Variants in NLGN1 observed in about 807,000 individuals in gnomAD.
The protein encoded by NLGN1 is neuroligin 1.
NLGN1 carries 12 observed loss-of-function variants against 65.5 expected under a neutral mutation model. The observed-to-expected ratio is 0.18, with a 90% CI of 0.12 to 0.30. The LOEUF is 0.30. Among genes scored for constraint, NLGN1 ranks in the 10% least tolerant of loss-of-function variants. NLGN1 has a pLI of 1.00. For synonymous variants in NLGN1, 350 were observed against 359.5 expected, an observed-to-expected ratio of 0.97 and a Z score of 0.30; for missense variants, 750 against 1,007.1, an observed-to-expected ratio of 0.74 and a Z score of 3.46.
intron 2 of NLGN1, among the ~76,000 whole-genome samples, chr3:173,530,186 C>T (rs1018852324): frequency 2.6e-5 from 4 of 152,116 alleles, no homozygotes; most frequent in Admixed American, 2.0e-4. Flanking sequence ...AACTCCTGAC[C>T]TCAAGTGATC....
At chr3:174,231,433 A>G (rs1028627775) in intron 4 of NLGN1, among the ~76,000 whole-genome samples, 1 of 152,196 alleles carries the variant, frequency 6.6e-6, no homozygotes, top group Non-Finnish European at 1.5e-5. Flanking sequence ...TCAGCAGTCT[A>G]TGAGTGGTTA....
chr3:173,666,884 C>G (rs940823287), intron 3 of NLGN1, among the ~76,000 whole-genome samples: 1 of 152,048 alleles, frequency 6.6e-6, no homozygotes, highest in African/African-American at 2.4e-5. Context: ...GATCAACAAA[C>G]AGAACACTCA....
intron 4 of NLGN1, among the ~76,000 whole-genome samples, chr3:174,195,743 T>C (rs1419888866): frequency 6.6e-6 from 1 of 152,056 alleles, no homozygotes; most frequent in Non-Finnish European, 1.5e-5. Context: ...ACAGGAAACC[T>C]GATTCAACTT....
intron 4 of NLGN1, among the ~76,000 whole-genome samples, chr3:173,936,535 G>A (rs139335050): frequency 3.7e-4 from 57 of 152,162 alleles, no homozygotes; most frequent in African/African-American, 1.3e-3. Context: ...ACCCTTGGAC[G>A]TTATTACTGC....
At chr3:173,885,946 A>T (rs1734256964) in intron 4 of NLGN1, among the ~76,000 whole-genome samples, 1 of 152,122 alleles carries the variant, frequency 6.6e-6, no homozygotes, top group South Asian at 2.1e-4. Context: ...TGTATTTCAC[A>T]TTTTCTTTAC....
At chr3:173,688,979 A>G (rs901693376) in intron 3 of NLGN1, among the ~76,000 whole-genome samples, 3 of 152,068 alleles carry the variant, frequency 2.0e-5, no homozygotes, top group African/African-American at 7.2e-5. Flanking sequence ...GTCACCTTCC[A>G]TTTGGGTGTA....
At chr3:174,060,568 A>G (rs897692924) in intron 4 of NLGN1, among the ~76,000 whole-genome samples, 2 of 151,940 alleles carry the variant, frequency 1.3e-5, no homozygotes, top group African/African-American at 4.8e-5. Context: ...AGCTCTCCCT[A>G]CCTCTCTCTT....
chr3:173,481,428 T>G (rs1727261898), intron 2 of NLGN1, among the ~76,000 whole-genome samples: 1 of 152,032 alleles, frequency 6.6e-6, no homozygotes, highest in Non-Finnish European at 1.5e-5. Flanking sequence ...CTTATGAATA[T>G]GTTAATTGAT....
intron 4 of NLGN1, among the ~76,000 whole-genome samples, chr3:174,054,553 G>C (rs763982385): frequency 2.9e-4 from 44 of 151,868 alleles, no homozygotes; most frequent in Non-Finnish European, 5.6e-4. Context: ...TAGGGGTTCT[G>C]AACTGGTGCT....
chr3:173,628,326 G>A (rs764725066), intron 3 of NLGN1, among the ~76,000 whole-genome samples: 6 of 152,074 alleles, frequency 3.9e-5, no homozygotes, highest in East Asian at 1.9e-4. Context: ...CTTATTCTTC[G>A]TTTACTACTG....
At chr3:173,908,444 T>C (rs942737805) in intron 4 of NLGN1, among the ~76,000 whole-genome samples, 1 of 152,242 alleles carries the variant, frequency 6.6e-6, no homozygotes, top group African/African-American at 2.4e-5. Flanking sequence ...AAGATATCTT[T>C]ATAAAACTGG....
intron 3 of NLGN1, among the ~76,000 whole-genome samples, chr3:173,629,189 G>A (rs997918981): frequency 6.6e-6 from 1 of 151,526 alleles, no homozygotes; most frequent in Non-Finnish European, 1.5e-5. Context: ...CAGTCTTCTA[G>A]ACAGGAGGAT....
At chr3:174,278,482 T>A (rs1750998905) in intron 5 of NLGN1, among the ~76,000 whole-genome samples, 1 of 152,000 alleles carries the variant, frequency 6.6e-6, no homozygotes, top group South Asian at 2.1e-4. Context: ...ATGTAGAGTC[T>A]GTTGGAGAGT....
intron 4 of NLGN1, among the ~76,000 whole-genome samples, chr3:174,239,673 G>C (rs1742430552): frequency 6.6e-6 from 1 of 152,034 alleles, no homozygotes; most frequent in African/African-American, 2.4e-5. Flanking sequence ...CAGAAAGAAG[G>C]GTAGTCGATA....
intron 3 of NLGN1, among the ~76,000 whole-genome samples, chr3:173,610,706 A>G (rs575949408): frequency 9.2e-5 from 14 of 151,970 alleles, no homozygotes; most frequent in Non-Finnish European, 1.9e-4. Context: ...AATGTCTCCA[A>G]GTGGGCATAG....
intron 4 of NLGN1, among the ~76,000 whole-genome samples, chr3:174,261,426 T>C (rs1404706797): frequency 3.4e-5 from 5 of 148,732 alleles, no homozygotes; most frequent in African/African-American, 1.0e-4. Flanking sequence ...GATTCCTAGG[T>C]ATTTTATTCT....
chr3:173,943,042 T>C (rs913998059), intron 4 of NLGN1, among the ~76,000 whole-genome samples: 3 of 151,916 alleles, frequency 2.0e-5, no homozygotes, highest in African/African-American at 7.3e-5. Context: ...CTGAGAAACA[T>C]GGCAAAACCC....
At chr3:173,655,239 G>T (rs1367949838) in intron 3 of NLGN1, among the ~76,000 whole-genome samples, 1 of 152,114 alleles carries the variant, frequency 6.6e-6, no homozygotes, top group Non-Finnish European at 1.5e-5. Context: ...TTAAGCAGCT[G>T]CTGTTTCTTT....
At chr3:173,989,797 T>G (rs546907009) in intron 4 of NLGN1, among the ~76,000 whole-genome samples, 8 of 152,238 alleles carry the variant, frequency 5.3e-5, no homozygotes, top group Admixed American at 5.2e-4. Context: ...TGTTGATGAC[T>G]GTCATAGCTT....
Sources: allele counts gnomAD v4.1 joint callset (sites outside exome capture counted in the v4.1 genomes callset), GRCh38; gene constraint gnomAD v4.1.1; transcripts MANE v1.5; gene names NCBI Gene and HGNC (gene_info 2026-07-23, HGNC 2026-07-21).